The following CSRNP3 variants were observed in gnomAD, a reference collection of about 807,000 sequenced individuals.
CSRNP3 encodes cysteine and serine rich nuclear protein 3.
In CSRNP3, 12 loss-of-function variants were observed where a neutral mutation model predicts 48.0. The ratio of observed to expected loss-of-function variants is 0.25; its 90% confidence interval spans 0.16 to 0.41. The LOEUF (loss-of-function observed/expected upper bound fraction) is 0.41, where lower values mean the gene tolerates loss of function less well. Ranked by LOEUF, CSRNP3 falls within the 10% of genes least tolerant of loss-of-function variation. CSRNP3 has a pLI of 1.00. For synonymous variants in CSRNP3, 263 were observed against 269.7 expected (o/e 0.98, Z 0.24); for missense variants, 580 against 724.4 (o/e 0.80, Z 2.29).
chr2:165,524,756 A>G (rs1274192557), intron 3 of CSRNP3, among the ~76,000 whole-genome samples: 2 of 152,218 alleles, frequency 1.3e-5, no homozygotes, highest in Admixed American at 6.5e-5. Flanking sequence ...ATGCTCTTGC[A>G]TGTATCAATA....
chr2:165,500,418 T>C (rs553014084), intron 2 of CSRNP3, among the ~76,000 whole-genome samples: 1 of 119,992 alleles, frequency 8.3e-6, no homozygotes, highest in South Asian at 2.4e-4. Context: ...TACATATATA[T>C]ATACACACAC....
At chr2:165,530,013 A>C (rs1347730570) in intron 3 of CSRNP3, among the ~76,000 whole-genome samples, 1 of 152,232 alleles carries the variant, frequency 6.6e-6, no homozygotes, top group Admixed American at 6.5e-5. Context: ...TTTTAAAATC[A>C]TGAGGAATGC....
At chr2:165,473,075 A>G (rs1266885844) in intron 1 of CSRNP3, among the ~76,000 whole-genome samples, 3 of 152,084 alleles carry the variant, frequency 2.0e-5, no homozygotes, top group Admixed American at 1.3e-4. Context: ...GACAACCCCT[A>G]TTTAAGGCAC....
chr2:165,574,679 A>G (rs1685420731), intron 3 of CSRNP3, among the ~76,000 whole-genome samples: 1 of 152,152 alleles, frequency 6.6e-6, no homozygotes, highest in African/African-American at 2.4e-5. Context: ...TTTCGGGGGT[A>G]AGTTCTTTAT....
intron 5 of CSRNP3, among the ~76,000 whole-genome samples, chr2:165,664,684 T>C (rs538904025): frequency 3.1e-4 from 47 of 152,302 alleles, no homozygotes; most frequent in African/African-American, 1.1e-3. Context: ...ATGTCTCCTT[T>C]ATAATATGGT....
chr2:165,545,419 C>T (rs1685011953), intron 3 of CSRNP3, among the ~76,000 whole-genome samples: 2 of 151,936 alleles, frequency 1.3e-5, no homozygotes, highest in Non-Finnish European at 1.5e-5. Context: ...AATTGCTGGC[C>T]CAGTGTCCCC....
At chr2:165,482,341 G>A (rs968532985) in intron 1 of CSRNP3, among the ~76,000 whole-genome samples, 2 of 150,504 alleles carry the variant, frequency 1.3e-5, no homozygotes, top group Non-Finnish European at 2.9e-5. Flanking sequence ...TTGAATCACC[G>A]CAACCTCCAC....
intron 2 of CSRNP3, among the ~76,000 whole-genome samples, chr2:165,501,507 C>G (rs1345616970): frequency 1.3e-5 from 2 of 152,172 alleles, no homozygotes; most frequent in East Asian, 1.9e-4. Flanking sequence ...TCCTTGATGG[C>G]AGGACCTTTG....
At chr2:165,634,837 C>G (rs1573933804) in intron 4 of CSRNP3, among the ~76,000 whole-genome samples, 1 of 152,260 alleles carries the variant, frequency 6.6e-6, no homozygotes, top group Non-Finnish European at 1.5e-5. Context: ...CATTCTCACA[C>G]TGGTATGGTT....
Position 165,485,254 on chromosome 2 carries a change from G to A in CSRNP3, c.-282-9505G>A, listed in dbSNP as rs573824116. On this transcript the variant is annotated intron_variant, in intron 1 of 6. Transcript: ENST00000651982. The stretch of plus-strand genomic sequence containing the variant: ...ATGACTTTGTGCAAGTATTTTCAGA[G>A]CTTCCAAGGCATAGAAGTATAAATG... Among the ~76,000 whole-genome samples the A allele has an allele frequency of 7.4e-4, 112 of 152,186 alleles. 1 individual carries two copies. Among genetic ancestry groups the A allele is most frequent in the Non-Finnish European group, 1.2e-3 (83 of 67,994 alleles).
intron 3 of CSRNP3, among the ~76,000 whole-genome samples, chr2:165,594,429 C>T (rs937192133): frequency 1.3e-5 from 2 of 152,174 alleles, no homozygotes; most frequent in African/African-American, 4.8e-5. Context: ...ATTCTCTACC[C>T]ATAGGCCTTT....
chr2:165,484,474 A>G (rs1475533832), intron 1 of CSRNP3, among the ~76,000 whole-genome samples: 2 of 152,214 alleles, frequency 1.3e-5, no homozygotes, highest in Non-Finnish European at 2.9e-5. Flanking sequence ...CTTCTAACGT[A>G]CACAACAAAT....
intron 3 of CSRNP3, among the ~76,000 whole-genome samples, chr2:165,547,934 T>C (rs912907849): frequency 6.6e-6 from 1 of 152,120 alleles, no homozygotes; most frequent in African/African-American, 2.4e-5. Context: ...GGGTTTTTAG[T>C]ACATCATTTT....
At chr2:165,552,099 A>G (rs1237776119) in intron 3 of CSRNP3, among the ~76,000 whole-genome samples, 1 of 152,234 alleles carries the variant, frequency 6.6e-6, no homozygotes, top group Non-Finnish European at 1.5e-5. Flanking sequence ...CAGTGTTCTG[A>G]CACAGAATCT....
chr2:165,554,344 A>C (rs887028750), intron 3 of CSRNP3, among the ~76,000 whole-genome samples: 3 of 152,182 alleles, frequency 2.0e-5, no homozygotes, highest in Non-Finnish European at 4.4e-5. Context: ...TGTTCACTGG[A>C]AAATTTTTAT....
chr2:165,562,965 C>A (rs1271135876), intron 3 of CSRNP3, among the ~76,000 whole-genome samples: 1 of 152,012 alleles, frequency 6.6e-6, no homozygotes, highest in African/African-American at 2.4e-5. Flanking sequence ...GGAGAGTTAA[C>A]CTGATGAAGG....
chr2:165,656,788 T>G (rs1228736575), intron 4 of CSRNP3, among the ~76,000 whole-genome samples: 1 of 152,238 alleles, frequency 6.6e-6, no homozygotes, highest in East Asian at 1.9e-4. Flanking sequence ...TTTGTTTTAA[T>G]GTCAAACACC....
intron 3 of CSRNP3, among the ~76,000 whole-genome samples, chr2:165,553,244 G>A (rs955065371): frequency 6.6e-6 from 1 of 151,954 alleles, no homozygotes; most frequent in Non-Finnish European, 1.5e-5. Flanking sequence ...CGACCTCACT[G>A]GGACCTACCC....
rs534270612 is a variant in CSRNP3, at chr2:165,682,837, C to G, written c.*3084C>G. The stretch of plus-strand genomic sequence containing the variant: ...TGCAGCCAGTTGGAATACTTAAGAT[C>G]TTTATGCCAAGACACAATAACCTGA... On this transcript the variant is annotated 3_prime_UTR_variant, in exon 7 of 7. Coordinates refer to ENST00000651982, the MANE Select transcript of CSRNP3 (RefSeq NM_001172173.2). 2.6e-5 allele frequency: 4 copies of G among 152,230 alleles called. No individual in the cohort carries two copies. Among genetic ancestry groups the G allele is most frequent in the African/African-American group, 7.2e-5 (3 of 41,564 alleles). 9.4% of individuals were successfully genotyped at this position (152,230 alleles called of 1,614,324 possible). A position where few individuals can be genotyped will look rare whatever the true frequency, so the allele number is the denominator to read the frequency against.
Sources: gnomAD v4.1 joint callset for allele counts (sites outside exome capture counted in the v4.1 genomes callset) on GRCh38, gnomAD v4.1.1 for gene constraint, MANE v1.5 for transcripts, NCBI Gene and HGNC (gene_info 2026-07-23, HGNC 2026-07-21) for gene names.